The following AZIN2 variants were observed in gnomAD, a reference collection of about 807,000 sequenced individuals.
The protein encoded by AZIN2 is ODC antizyme inhibitor-2.
AZIN2 carries 28 observed loss-of-function variants against 47.8 expected under a neutral mutation model. That is an observed-to-expected ratio of 0.59 (90% CI 0.43 to 0.80). The LOEUF (loss-of-function observed/expected upper bound fraction) is 0.80. Among genes scored for constraint, AZIN2 ranks in the 30% least tolerant of loss-of-function variants. The pLI is 0.00. For synonymous variants in AZIN2, 221 were observed against 239.4 expected (o/e 0.92, Z 0.71); for missense variants, 535 against 582.5 (o/e 0.92, Z 0.84).
At chr1:33,086,408 C>T (rs936420513) in intron 5 of AZIN2, among the ~76,000 whole-genome samples, 4 of 152,230 alleles carry the variant, frequency 2.6e-5, no homozygotes, top group Middle Eastern at 3.4e-3. Flanking sequence ...GATGGATGCC[C>T]TCAGCCAACT....
chr1:33,151,993 C>A, the AZIN2 span, among the ~76,000 whole-genome samples: 1 of 152,216 alleles, frequency 6.6e-6, no homozygotes, highest in Admixed American at 6.5e-5. Context: ...TCTGGCCAGG[C>A]CTTTAAAAAA....
At chr1:33,147,613 G>A in the AZIN2 span, 1 of 1,613,988 alleles carries the variant, frequency 6.2e-7, no homozygotes, top group Admixed American at 1.7e-5. The surrounding 1 kb of genome is among the most constrained non-coding windows in gnomAD (Gnocchi z 8.1). Flanking sequence ...GAAGCGCTTT[G>A]GCGAGTCCTG....
At chr1:33,129,688 C>T in the AZIN2 span, among the ~76,000 whole-genome samples, 32,854 of 152,062 alleles carry the variant, frequency 0.22, 4,172 homozygotes, top group South Asian at 0.33. The surrounding 1 kb of genome is among the most constrained non-coding windows in gnomAD (Gnocchi z 4.1). Flanking sequence ...ACATTTGGTC[C>T]ACACTGGAGA....
At chr1:33,082,569 C>T in intron 4 of AZIN2, 1 of 477,210 alleles carries the variant, frequency 2.1e-6, no homozygotes, top group Non-Finnish European at 3.7e-6. Flanking sequence ...CCTCCAAGGT[C>T]AGAAACGGGG....
intron 10 of AZIN2, among the ~76,000 whole-genome samples, chr1:33,107,513 G>A (rs1644072881): frequency 6.6e-6 from 1 of 152,140 alleles, no homozygotes. Context: ...CTGGGAGGTG[G>A]AGGCTGCAGT....
At chr1:33,108,330 C>T (rs183652109) in intron 10 of AZIN2, among the ~76,000 whole-genome samples, 50 of 149,404 alleles carry the variant, frequency 3.3e-4, no homozygotes, top group Non-Finnish European at 6.8e-4. Context: ...GGATTAAAGA[C>T]TTTCAGATTG....
chr1:33,122,678 TG>T lies in AZIN2; in HGVS notation c.*2498del, dbSNP rs1279098698. 1.3e-5 allele frequency among the ~76,000 whole-genome samples: 2 copies of T among 152,172 alleles called. No homozygotes were observed. Among genetic ancestry groups the T allele is most frequent in the Non-Finnish European group, 2.9e-5 (2 of 68,032 alleles). On this transcript the variant is annotated 3_prime_UTR_variant, in exon 12 of 12. Transcript: ENST00000294517. The stretch of plus-strand genomic sequence containing the variant: ...GGCTCCTCATGCCTCCTGGCTGCCT[TG>T]GAAGTCAGATGTTCCTGTTGGCCTA...
the AZIN2 span, among the ~76,000 whole-genome samples, chr1:33,135,096 G>A: frequency 3.1e-4 from 47 of 152,124 alleles, no homozygotes; most frequent in Admixed American, 9.8e-4. Flanking sequence ...GACCAGCCTG[G>A]CCAACATGGT....
chr1:33,099,072 A>G (rs1643446872), intron 10 of AZIN2, among the ~76,000 whole-genome samples: 1 of 151,886 alleles, frequency 6.6e-6, no homozygotes, highest in Non-Finnish European at 1.5e-5. Flanking sequence ...GCCTCTTCCC[A>G]TCTCTTGACC....
At chr1:33,100,102 C>T (rs1643553979) in intron 10 of AZIN2, among the ~76,000 whole-genome samples, 1 of 152,020 alleles carries the variant, frequency 6.6e-6, no homozygotes, top group African/African-American at 2.4e-5. Flanking sequence ...TGGTTGGATA[C>T]CTGAAGTCAG....
At chr1:33,136,721 C>T in the AZIN2 span, among the ~76,000 whole-genome samples, 4 of 150,792 alleles carry the variant, frequency 2.7e-5, no homozygotes, top group African/African-American at 7.3e-5. Context: ...TCAGCCAGGC[C>T]GGGCACGGTG....
chr1:33,163,422 T>C, the AZIN2 span: 1 of 152,202 alleles, frequency 6.6e-6, no homozygotes, highest in Non-Finnish European at 1.5e-5. Flanking sequence ...AATCCTGCTC[T>C]CGTGGAGGTG....
At chr1:33,154,277 C>T in the AZIN2 span, among the ~76,000 whole-genome samples, 2 of 151,718 alleles carry the variant, frequency 1.3e-5, no homozygotes, top group Non-Finnish European at 2.9e-5. Flanking sequence ...GATTCCCTCC[C>T]CAGTCACTGA....
chr1:33,160,606 T>C, the AZIN2 span, among the ~76,000 whole-genome samples: 1 of 152,206 alleles, frequency 6.6e-6, no homozygotes, highest in Non-Finnish European at 1.5e-5. Context: ...GGTTTCACCA[T>C]GTTGGCCAGG....
the AZIN2 span, among the ~76,000 whole-genome samples, chr1:33,162,468 C>T: frequency 6.6e-6 from 1 of 152,364 alleles, no homozygotes; most frequent in Middle Eastern, 3.4e-3. Flanking sequence ...TTCTGTCTCC[C>T]TGGCTAGTAA....
chr1:33,141,390 T>C, the AZIN2 span, among the ~76,000 whole-genome samples: 1 of 152,192 alleles, frequency 6.6e-6, no homozygotes, highest in African/African-American at 2.4e-5. Context: ...ACCAGGACAC[T>C]TGAGTACTCA....
rs950676197 is a variant in AZIN2 at position 33,084,034 on chromosome 1, A to C, written c.186A>C (p.Arg62=). The change falls in exon 5 of 12, where the codon CGA becomes CGC. Residue 62 remains arginine, a synonymous_variant. Transcript: ENST00000294517. ...TTTGCTTTCTGAAGTGCCTGCCACGAGTCCGGCCCTTTTATGCTGTCAAGT... is the reference window on the plus strand; with the variant it reads ...TTTGCTTTCTGAAGTGCCTGCCACGCGTCCGGCCCTTTTATGCTGTCAAGT... ...KHFCFLKCLP[R]VRPFYAVKCN... 11 of 1,614,070 alleles carry C rather than the reference A, an allele frequency of 6.8e-6. No individual in the cohort carries two copies. The African/African-American group carries it at 1.1e-4, about 16-fold the overall frequency.
chr1:33,130,207 G>C, the AZIN2 span, among the ~76,000 whole-genome samples: 1 of 152,168 alleles, frequency 6.6e-6, no homozygotes, highest in Non-Finnish European at 1.5e-5. Context: ...AAGAGGATGC[G>C]GTAGGCAGTC....
At chr1:33,089,104 G>C (rs1642248669) in intron 5 of AZIN2, among the ~76,000 whole-genome samples, 1 of 152,196 alleles carries the variant, frequency 6.6e-6, no homozygotes, top group Non-Finnish European at 1.5e-5. Context: ...TTAAGAGCTG[G>C]TGTGCTAAGG....
Sources: allele counts gnomAD v4.1 joint callset (sites outside exome capture counted in the v4.1 genomes callset), GRCh38; gene constraint gnomAD v4.1.1; non-coding constraint Gnocchi (gnomAD v3.1); transcripts MANE v1.5; gene names NCBI Gene and HGNC (gene_info 2026-07-23, HGNC 2026-07-21).